Variants in APBA1 observed in about 807,000 individuals in gnomAD.
APBA1 encodes amyloid beta precursor protein binding family A member 1.
In APBA1, 55 loss-of-function variants were observed where a neutral mutation model predicts 86.6. That is an observed-to-expected ratio of 0.64 (90% CI 0.51 to 0.80). APBA1 has a LOEUF of 0.80. APBA1 is among the 30% of genes least tolerant of loss of function. APBA1 has a pLI of 0.00. For missense variants in APBA1, 1,090 were observed against 1,183.0 expected (o/e 0.92, Z 1.15); for synonymous variants, 511 against 493.9 (o/e 1.03, Z -0.46).
At chr9:69,591,213 C>G (rs1011085520) in intron 1 of APBA1, among the ~76,000 whole-genome samples, 1 of 152,222 alleles carries the variant, frequency 6.6e-6, no homozygotes, top group African/African-American at 2.4e-5. Flanking sequence ...ATTTCCCCCT[C>G]TCTCCAGGTG....
At chr9:69,652,598 A>G (rs1208586189) in intron 1 of APBA1, among the ~76,000 whole-genome samples, 3 of 152,238 alleles carry the variant, frequency 2.0e-5, no homozygotes, top group Non-Finnish European at 2.9e-5. Context: ...ATAAGTAACC[A>G]AAGGGCAGTA....
intron 1 of APBA1, among the ~76,000 whole-genome samples, chr9:69,625,182 G>A (rs1484695276): frequency 2.6e-5 from 4 of 152,084 alleles, no homozygotes; most frequent in Non-Finnish European, 5.9e-5. Context: ...CAAACACATC[G>A]AGCTTGCACC....
intron 1 of APBA1, among the ~76,000 whole-genome samples, chr9:69,654,060 C>G (rs372927515): frequency 1.4e-5 from 2 of 142,568 alleles, no homozygotes; most frequent in South Asian, 2.2e-4. Context: ...TGCGGTGAGC[C>G]GAGATCACAC....
intron 1 of APBA1, among the ~76,000 whole-genome samples, chr9:69,575,100 T>C (rs1821760047): frequency 6.6e-6 from 1 of 152,006 alleles, no homozygotes; most frequent in Non-Finnish European, 1.5e-5. Flanking sequence ...TATTTTTTTG[T>C]AGCAATAGGG....
At chr9:69,470,004 C>T (rs1233698805) in intron 4 of APBA1, among the ~76,000 whole-genome samples, 1 of 152,148 alleles carries the variant, frequency 6.6e-6, no homozygotes, top group Non-Finnish European at 1.5e-5. Context: ...GAGAAGGTCC[C>T]TTTTTGACTA....
chr9:69,584,267 T>C (rs1208579062), intron 1 of APBA1, among the ~76,000 whole-genome samples: 1 of 152,226 alleles, frequency 6.6e-6, no homozygotes, highest in African/African-American at 2.4e-5. Context: ...GTCTCCTCTA[T>C]AAGACTGTGA....
chr9:69,523,456 TG>T (rs1836284892), intron 1 of APBA1, among the ~76,000 whole-genome samples: 1 of 133,904 alleles, frequency 7.5e-6, no homozygotes, highest in African/African-American at 2.9e-5. Flanking sequence ...TTAGCTATCA[TG>T]TATGTGTATA....
At chr9:69,476,007 CA>C (rs1177807409) in intron 3 of APBA1, 40 bp downstream of exon 3, 1 of 1,550,798 alleles carries the variant, frequency 6.4e-7, no homozygotes, top group Admixed American at 1.7e-5. Flanking sequence ...TAGAGTAAAG[CA>C]AAATGGCCCA....
intron 1 of APBA1, among the ~76,000 whole-genome samples, chr9:69,609,849 C>T (rs1822549318): frequency 6.6e-6 from 1 of 152,010 alleles, no homozygotes; most frequent in Admixed American, 6.5e-5. Flanking sequence ...CCCAGGCTGG[C>T]GTGCAGCGGC....
intron 2 of APBA1, among the ~76,000 whole-genome samples, chr9:69,505,151 A>G (rs932415369): frequency 5.3e-5 from 8 of 152,082 alleles, no homozygotes; most frequent in African/African-American, 1.7e-4. Flanking sequence ...TTAAAATGAT[A>G]AAGGTTGATT....
chr9:69,501,649 C>T (rs1005104686), intron 2 of APBA1, among the ~76,000 whole-genome samples: 3 of 150,532 alleles, frequency 2.0e-5, no homozygotes, highest in Non-Finnish European at 4.4e-5. Flanking sequence ...CACACACACA[C>T]ACACACACAC....
chr9:69,446,679 C>G (rs901016800), intron 10 of APBA1, among the ~76,000 whole-genome samples: 2 of 152,178 alleles, frequency 1.3e-5, no homozygotes, highest in Non-Finnish European at 2.9e-5. Context: ...AAGGAAGGAG[C>G]GATTCGCAGG....
intron 4 of APBA1, among the ~76,000 whole-genome samples, chr9:69,470,789 C>G (rs921728693): frequency 2.0e-5 from 3 of 152,208 alleles, no homozygotes; most frequent in South Asian, 2.1e-4. Context: ...CTCAGCATCA[C>G]CTCTAGCCAG....
intron 1 of APBA1, among the ~76,000 whole-genome samples, chr9:69,610,788 A>G (rs1179776128): frequency 2.0e-5 from 3 of 152,180 alleles, no homozygotes; most frequent in African/African-American, 7.2e-5. Flanking sequence ...CTCAAACATT[A>G]AGGCATGCCA....
At chr9:69,658,302 C>CTTTA in intron 1 of APBA1, among the ~76,000 whole-genome samples, 1 of 83,716 alleles carries the variant, frequency 1.2e-5, no homozygotes, top group South Asian at 4.8e-4. Context: ...CTTTCTCTCT[C>CTTTA]TCTCTTTCTT....
At chr9:69,672,595 C>G (rs1280455095), upstream of APBA1, among the ~76,000 whole-genome samples, 1 of 150,238 alleles carries the variant, frequency 6.7e-6, no homozygotes, top group Non-Finnish European at 1.5e-5. Flanking sequence ...CTCCGTGGGC[C>G]GCCGGCTGCA....
At chr9:69,613,615 T>A (rs1367326229) in intron 1 of APBA1, among the ~76,000 whole-genome samples, 1 of 152,168 alleles carries the variant, frequency 6.6e-6, no homozygotes, top group African/African-American at 2.4e-5. Flanking sequence ...AATTTTTTTA[T>A]CTAGCTCTAA....
chr9:69,486,784 T>C (rs528179257), intron 2 of APBA1, among the ~76,000 whole-genome samples: 1 of 151,802 alleles, frequency 6.6e-6, no homozygotes, highest in East Asian at 1.9e-4. Context: ...TGGAGCCCCA[T>C]GGAGGATAGC....
chr9:69,590,516 G>C (rs1412547101), intron 1 of APBA1, among the ~76,000 whole-genome samples: 1 of 152,204 alleles, frequency 6.6e-6, no homozygotes, highest in Non-Finnish European at 1.5e-5. Flanking sequence ...TGAGCAATCT[G>C]TGTGTGCAGA....
Sources: allele counts gnomAD v4.1 joint callset (sites outside exome capture counted in the v4.1 genomes callset), GRCh38; gene constraint gnomAD v4.1.1; transcripts MANE v1.5; gene names NCBI Gene and HGNC (gene_info 2026-07-23, HGNC 2026-07-21).